The following KCNMA1 variants were observed in gnomAD, a reference collection of about 807,000 sequenced individuals.
KCNMA1 encodes the protein potassium calcium-activated channel subfamily M alpha 1.
Under a neutral mutation model 140.0 loss-of-function variants are expected in KCNMA1, and 29 were observed. The ratio of observed to expected loss-of-function variants is 0.21; its 90% CI spans 0.15 to 0.28. The LOEUF (loss-of-function observed/expected upper bound fraction) is 0.28. KCNMA1 is among the 10% of genes least tolerant of loss of function. The pLI is 1.00. For missense variants in KCNMA1, 880 were observed against 1,602.2 expected (o/e 0.55, Z 7.70); for synonymous variants, 612 against 611.9 (o/e 1.00, Z 0.00).
intron 1 of KCNMA1, among the ~76,000 whole-genome samples, chr10:77,563,276 T>C (rs569448630): frequency 6.6e-6 from 1 of 152,278 alleles, no homozygotes; most frequent in East Asian, 1.9e-4. Flanking sequence ...GAGCTGGGAT[T>C]CCACTTTCTG....
At chr10:77,612,766 C>T (rs895760487) in intron 1 of KCNMA1, among the ~76,000 whole-genome samples, 7 of 152,112 alleles carry the variant, frequency 4.6e-5, no homozygotes, top group Admixed American at 3.9e-4. Flanking sequence ...CTTCACTTCA[C>T]GGTGGAGGAT....
In KCNMA1 at chr10:77,086,477, T is replaced by C. The variant is rs2096693714; in HGVS notation, c.1440+11A>G. 1 of 1,588,958 alleles carries C rather than the reference T, an allele frequency of 6.3e-7. No homozygotes were observed. Among genetic ancestry groups the C allele is most frequent in the African/African-American group, 1.3e-5 (1 of 74,396 alleles). ...ATGGAATAAAAGCAGAAGTCACCTCTTCCTCCTTACCTTGACTCTTGCAAG... is the reference window on the plus strand; with the variant it reads ...ATGGAATAAAAGCAGAAGTCACCTCCTCCTCCTTACCTTGACTCTTGCAAG... On this transcript the variant is annotated intron_variant, in intron 11 of 27. Coordinates refer to ENST00000286628, the MANE Select transcript of KCNMA1 (RefSeq NM_001161352.2).
At chr10:77,165,567 A>G (rs1288996093) in intron 5 of KCNMA1, among the ~76,000 whole-genome samples, 1 of 152,234 alleles carries the variant, frequency 6.6e-6, no homozygotes, top group Non-Finnish European at 1.5e-5. Context: ...ACAATTGAAG[A>G]CAGTCCTTTA....
intron 1 of KCNMA1, among the ~76,000 whole-genome samples, chr10:77,497,259 C>T (rs1229711429): frequency 6.6e-6 from 1 of 152,222 alleles, no homozygotes; most frequent in Non-Finnish European, 1.5e-5. Flanking sequence ...CCCTAATTAG[C>T]CTGGGCATGA....
At chr10:77,126,733 CCCA>C (rs1325268078) in intron 5 of KCNMA1, among the ~76,000 whole-genome samples, 7 of 142,136 alleles carry the variant, frequency 4.9e-5, no homozygotes, top group Middle Eastern at 3.5e-3. Flanking sequence ...CCACCCCCCC[CCCA>C]CCACCACACA....
At chr10:77,145,923 C>T (rs2098279714) in intron 5 of KCNMA1, among the ~76,000 whole-genome samples, 1 of 152,166 alleles carries the variant, frequency 6.6e-6, no homozygotes, top group Admixed American at 6.5e-5. Context: ...AAAATGGGAA[C>T]AGTAATAGTA....
At chr10:77,515,283 A>G (rs779853391) in intron 1 of KCNMA1, among the ~76,000 whole-genome samples, 4 of 152,126 alleles carry the variant, frequency 2.6e-5, no homozygotes, top group Non-Finnish European at 5.9e-5. Flanking sequence ...CAGGCACACA[A>G]AGGTACATTT....
chr10:77,605,301 G>A (rs2084085685), intron 1 of KCNMA1, among the ~76,000 whole-genome samples: 1 of 152,218 alleles, frequency 6.6e-6, no homozygotes, highest in African/African-American at 2.4e-5. Context: ...CTGGCATGGT[G>A]CCTGCAGCCC....
At chr10:77,098,538 C>T (rs2096998691) in intron 9 of KCNMA1, among the ~76,000 whole-genome samples, 1 of 151,104 alleles carries the variant, frequency 6.6e-6, no homozygotes, top group Admixed American at 6.6e-5. Context: ...TCTTGCTCTT[C>T]AGTTTTTCAT....
At chr10:77,218,284 GGCCATTTAA>G (rs1291903616) in intron 3 of KCNMA1, among the ~76,000 whole-genome samples, 21 of 152,148 alleles carry the variant, frequency 1.4e-4, no homozygotes, top group African/African-American at 4.3e-4. Flanking sequence ...CACCCATACA[GGCCATTTAA>G]ACCATTTAAA....
chr10:77,226,469 G>T (rs887434761), intron 3 of KCNMA1, among the ~76,000 whole-genome samples: 1 of 151,796 alleles, frequency 6.6e-6, no homozygotes, highest in Non-Finnish European at 1.5e-5. Flanking sequence ...AGCCATCCTG[G>T]TTTGAGATCC....
chr10:77,312,986 A>T (rs2079750796), intron 2 of KCNMA1, among the ~76,000 whole-genome samples: 1 of 152,204 alleles, frequency 6.6e-6, no homozygotes, highest in South Asian at 2.1e-4. Flanking sequence ...CCACTCTCAC[A>T]ACCATCCTCA....
rs201425608 is a variant in KCNMA1, at chr10:77,637,565, A to G, written c.78T>C (p.Ser26=). Residue 26 remains serine, a synonymous_variant, in exon 1 of 28, where the codon AGT becomes AGC. Coordinates refer to ENST00000286628, the MANE Select transcript of KCNMA1 (RefSeq NM_001161352.2). ...TGAGATGGTTCGCGTGGATATTGCT[A>G]CTCATTCTAAGACTGCTGCCTCCGC... ...GGGGGSSLRM[S]SNIHANHLSL... is the part of the protein sequence containing the mutation. The G allele has an allele frequency of 1.3e-6, 2 of 1,539,726 alleles. No individual in the cohort carries two copies. The highest frequency in any genetic ancestry group is 1.7e-6 in the Non-Finnish European group (2 of 1,143,354).
At chr10:77,273,220 G>T (rs184908662) in intron 2 of KCNMA1, among the ~76,000 whole-genome samples, 2 of 151,810 alleles carry the variant, frequency 1.3e-5, no homozygotes, top group African/African-American at 4.8e-5. Context: ...CTTTCCTCCT[G>T]CCTCTCTCTT....
intron 3 of KCNMA1, among the ~76,000 whole-genome samples, chr10:77,194,785 T>A (rs2039878625): frequency 1.3e-5 from 2 of 151,652 alleles, no homozygotes; most frequent in African/African-American, 4.9e-5. Context: ...TAACAAAGAG[T>A]ACCAATGCTG....
chr10:76,973,549 G>A (rs1259303205), intron 19 of KCNMA1, among the ~76,000 whole-genome samples: 7 of 152,162 alleles, frequency 4.6e-5, no homozygotes, highest in African/African-American at 9.7e-5. Flanking sequence ...AAGAGGATTC[G>A]TTATTTCAAT....
intron 1 of KCNMA1, among the ~76,000 whole-genome samples, chr10:77,493,227 G>A (rs943943043): frequency 1.3e-5 from 2 of 152,216 alleles, no homozygotes; most frequent in Admixed American, 1.3e-4. Flanking sequence ...AGGGCACCCC[G>A]GCTAATCAGC....
intron 1 of KCNMA1, among the ~76,000 whole-genome samples, chr10:77,444,925 T>C (rs4979882): frequency 0.064 from 9,789 of 152,058 alleles, 1,056 homozygotes; most frequent in African/African-American, 0.22. Context: ...AGTGTCACCA[T>C]CCACATTATC....
At chr10:77,073,374 C>G (rs1376962400) in intron 13 of KCNMA1, 122 bp from the exon 14 acceptor site, 1 of 973,140 alleles carries the variant, frequency 1.0e-6, no homozygotes, top group Non-Finnish European at 1.6e-6. Flanking sequence ...CCTTCTTTTC[C>G]CTTGCTGCGG....
Sources: allele counts gnomAD v4.1 joint callset (sites outside exome capture counted in the v4.1 genomes callset), GRCh38; gene constraint gnomAD v4.1.1; transcripts MANE v1.5; gene names NCBI Gene and HGNC (gene_info 2026-07-23, HGNC 2026-07-21).